Variants in KCTD1 observed in about 807,000 individuals in gnomAD.
KCTD1 encodes BTB/POZ domain-containing protein KCTD1.
A neutral mutation model predicts 66.0 loss-of-function variants in KCTD1; 24 were observed. That is an observed-to-expected ratio of 0.36 (90% CI 0.26 to 0.51). The LOEUF (loss-of-function observed/expected upper bound fraction) is 0.51. KCTD1 is among the 20% of genes least tolerant of loss of function. KCTD1 has a pLI of 0.95. For synonymous variants in KCTD1, 511 were observed against 517.2 expected, an observed-to-expected ratio of 0.99 and a Z score of 0.16; for missense variants, 943 against 1,205.2, an observed-to-expected ratio of 0.78 and a Z score of 3.22.
chr18:26,615,582 C>T (rs1987231874), intron 1 of KCTD1, among the ~76,000 whole-genome samples: 1 of 152,156 alleles, frequency 6.6e-6, no homozygotes, highest in Non-Finnish European at 1.5e-5. Flanking sequence ...GGGTGGTCTC[C>T]TCCAGCCTCA....
intron 1 of KCTD1, among the ~76,000 whole-genome samples, chr18:26,524,212 T>C (rs1409875356): frequency 6.6e-6 from 1 of 152,140 alleles, no homozygotes; most frequent in Non-Finnish European, 1.5e-5. Flanking sequence ...GGGATGCCTG[T>C]TGCTAGGAAC....
At chr18:26,597,747 C>T (rs528189511) in intron 1 of KCTD1, among the ~76,000 whole-genome samples, 17 of 151,546 alleles carry the variant, frequency 1.1e-4, no homozygotes, top group Non-Finnish European at 2.2e-4. Context: ...TCCACCTCCC[C>T]GGTTCAAGCA....
Position 26,520,547 on chromosome 18 carries a change from A to C in KCTD1, c.1810-19297T>G, listed in dbSNP as rs143173358. Among the ~76,000 whole-genome samples the C allele has an allele frequency of 2.6e-4, 40 of 152,350 alleles. No homozygotes were observed. In the East Asian group the frequency reaches 4.4e-3, roughly 17 times the overall value. ...TTTAGTTTGAGGTGGATGTCGACACATGCTAATTGACCTTAATTCACACAT... is the reference window on the plus strand; with the variant it reads ...TTTAGTTTGAGGTGGATGTCGACACCTGCTAATTGACCTTAATTCACACAT... On this transcript the variant is annotated intron_variant, in intron 1 of 4. Coordinates refer to ENST00000580059, the MANE Select transcript of KCTD1 (RefSeq NM_001142730.3).
Position 26,570,197 on chromosome 18 carries a change from T to A in KCTD1, c.-16+58950A>T, listed in dbSNP as rs866134264. ...CAAGACTCCATCTAAAAAAAATATA[T>A]ATATATATATATATATATGATTTCA... On this transcript the variant is annotated intron_variant, in intron 1 of 4. Coordinates refer to the KCTD1 transcript ENST00000317932. Among the ~76,000 whole-genome samples, 629 of 121,844 alleles carry A rather than the reference T, an allele frequency of 5.2e-3. 5 individuals are homozygous for A. The highest frequency in any genetic ancestry group is 0.03 in the Middle Eastern group (7 of 232). 79.9% of individuals were successfully genotyped at this position (121,844 alleles called of 152,430 possible).
At chr18:26,616,436 CAT>C (rs1987255593) in intron 1 of KCTD1, among the ~76,000 whole-genome samples, 2 of 151,396 alleles carry the variant, frequency 1.3e-5, no homozygotes, top group Admixed American at 1.3e-4. Context: ...ATCTAAGACA[CAT>C]GTTTACAGCT....
intron 1 of KCTD1, among the ~76,000 whole-genome samples, chr18:26,650,154 AT>A (rs1988003730): frequency 6.6e-6 from 1 of 152,184 alleles, no homozygotes; most frequent in African/African-American, 2.4e-5. Context: ...CCCAGATCAA[AT>A]TTGATCTGTT....
chr18:26,643,160 G>A (rs546893103), upstream of KCTD1, among the ~76,000 whole-genome samples: 5 of 152,248 alleles, frequency 3.3e-5, no homozygotes, highest in South Asian at 2.1e-4. Context: ...CTGGCTCGCC[G>A]ACAGCCACCT....
chr18:26,482,767 G>A (rs1981715934), intron 2 of KCTD1, among the ~76,000 whole-genome samples: 1 of 152,170 alleles, frequency 6.6e-6, no homozygotes, highest in African/African-American at 2.4e-5. Flanking sequence ...TCCATGCATG[G>A]TAATTACAGA....
chr18:26,611,889 G>A (rs967219691), intron 1 of KCTD1, among the ~76,000 whole-genome samples: 5 of 152,148 alleles, frequency 3.3e-5, no homozygotes, highest in Non-Finnish European at 5.9e-5. Flanking sequence ...GAAACAGTTC[G>A]ATCTTTTGGG....
At chr18:26,573,277 T>C (rs896807322) in intron 1 of KCTD1, among the ~76,000 whole-genome samples, 5 of 152,146 alleles carry the variant, frequency 3.3e-5, no homozygotes, top group African/African-American at 7.2e-5. Context: ...TGAGGTGTTA[T>C]TGTTTAATGG....
intron 1 of KCTD1, among the ~76,000 whole-genome samples, chr18:26,565,126 G>A (rs1165994338): frequency 1.3e-5 from 2 of 152,198 alleles, no homozygotes; most frequent in East Asian, 1.9e-4. Flanking sequence ...ATATTGGGAA[G>A]ATCCTTTGAA....
chr18:26,596,619 A>T (rs2144960599), intron 1 of KCTD1, among the ~76,000 whole-genome samples: 1 of 152,348 alleles, frequency 6.6e-6, no homozygotes, highest in South Asian at 2.1e-4. Context: ...CTACATTACC[A>T]ACAAGAGCTG....
At chr18:26,614,098 C>T (rs941984911) in intron 1 of KCTD1, among the ~76,000 whole-genome samples, 3 of 152,204 alleles carry the variant, frequency 2.0e-5, no homozygotes, top group Non-Finnish European at 2.9e-5. Context: ...TACACATATA[C>T]GTTGATCTAA....
At chr18:26,655,063 T>TG (rs1209999533) in intron 1 of KCTD1, among the ~76,000 whole-genome samples, 6 of 152,372 alleles carry the variant, frequency 3.9e-5, no homozygotes, top group African/African-American at 1.4e-4. Context: ...TTCCCATATA[T>TG]GTAGGTGAAT....
Position 26,490,995 on chromosome 18 carries a change from C to T in KCTD1, c.1988+10077G>A, listed in dbSNP as rs189412563. Among the ~76,000 whole-genome samples, 493 of 152,198 alleles carry T rather than the reference C, an allele frequency of 3.2e-3. 2 individuals are homozygous for T. The highest frequency in any genetic ancestry group is 0.011 in the African/African-American group (454 of 41,526). ...CTCAAACTCCTGAGCTCAAGTGATC[C>T]GCCCACCTCGGCCTCCCAAAGTGCT... is the stretch of plus-strand genomic sequence containing the variant. On this transcript the variant is annotated intron_variant, in intron 2 of 4. Transcript: ENST00000580059.
Position 26,548,007 on chromosome 18 carries a change from C to A in KCTD1, c.530G>T (p.Arg177Leu), listed in dbSNP as rs1428516099. The A allele has an allele frequency of 6.5e-7, 1 of 1,531,296 alleles. No individual in the cohort carries two copies. The highest frequency in any genetic ancestry group is 2.0e-5 in the Admixed American group (1 of 50,704). The allele number at this position is 1,531,296 out of a possible 1,614,324, so 94.9% of individuals were successfully genotyped here. ...RLSENTRLATRYAVRIFREYL... is the reference protein window; with the variant it reads ...RLSENTRLATLYAVRIFREYL... The stretch of plus-strand genomic sequence containing the variant: ...CTCCCGGAAGATGCGCACGGCGTAG[C>A]GGGTGGCCAGCCGGGTGTTCTCGCT... The change falls in exon 1 of 5, where the codon CGC becomes CTC. Residue 177 changes from arginine to leucine, a missense_variant. This residue lies in a region of KCTD1 where 96 missense variants were observed against 132.5 expected (regional missense o/e 0.72). Coordinates refer to ENST00000580059, the MANE Select transcript of KCTD1 (RefSeq NM_001142730.3).
Position 26,547,145 on chromosome 18 carries a change from G to A in KCTD1, c.1392C>T (p.Ile464=), listed in dbSNP as rs919163094. ...AGCCCAGCTTGGTGCCAATGCCCGC[G>A]ATGCTGTTGAGCGTGGCGATGGAGA... ...GAVSIATLNS[I]AGIGTKLGSP... The change falls in exon 1 of 5, where the codon ATC becomes ATT. Residue 464 remains isoleucine (I), a synonymous_variant. Coordinates refer to ENST00000580059, the MANE Select transcript of KCTD1 (RefSeq NM_001142730.3). 6.4e-7 allele frequency: 1 copy of A among 1,550,922 alleles called. No individual in the cohort carries two copies.
chr18:26,558,422 G>T (rs1186341594), intron 1 of KCTD1, among the ~76,000 whole-genome samples: 1 of 152,108 alleles, frequency 6.6e-6, no homozygotes, highest in Non-Finnish European at 1.5e-5. Context: ...TAAAAATAGA[G>T]CTTCCATACA....
upstream of KCTD1, among the ~76,000 whole-genome samples, chr18:26,631,383 C>T (rs1987614346): frequency 6.6e-6 from 1 of 152,150 alleles, no homozygotes; most frequent in Non-Finnish European, 1.5e-5. Context: ...CCTATTGCTC[C>T]TAGGCCACAA....
Sources: gnomAD v4.1 joint callset for allele counts (sites outside exome capture counted in the v4.1 genomes callset) on GRCh38, gnomAD v4.1.1 for gene constraint, gnomAD v4.1.1 regional missense constraint, MANE v1.5 for transcripts, NCBI Gene and HGNC (gene_info 2026-07-23, HGNC 2026-07-21) for gene names.